ADGRE3: variants seen among roughly 807,000 people sequenced by gnomAD.
The protein encoded by ADGRE3 is EGF-like module receptor 3.
A neutral mutation model predicts 80.1 loss-of-function variants in ADGRE3; 88 were observed. That is an observed-to-expected ratio of 1.10 (90% CI 0.93 to 1.31). The LOEUF is 1.31. Among genes scored for constraint, ADGRE3 ranks in the 40% most tolerant of loss-of-function variants. The pLI, the probability that ADGRE3 is intolerant of heterozygous loss-of-function variation, is 0.00. For missense variants in ADGRE3, 715 were observed against 776.5 expected, an observed-to-expected ratio of 0.92 and a Z score of 0.94; for synonymous variants, 281 against 294.8, an observed-to-expected ratio of 0.95 and a Z score of 0.48.
chr19:14,601,917 CGA>C, the ADGRE3 span, among the ~76,000 whole-genome samples: 1 of 151,856 alleles, frequency 6.6e-6, no homozygotes, highest in South Asian at 2.1e-4. Context: ...TTCAGCCTCC[CGA>C]GTAGCTGGGA....
At chr19:14,617,092 A>G (rs11879888), downstream of ADGRE3, among the ~76,000 whole-genome samples, 57,656 of 151,312 alleles carry the variant, frequency 0.38, 11,118 homozygotes, top group Non-Finnish European at 0.4. Context: ...ACCACACCCC[A>G]CCTTTTTTTC....
At chr19:14,633,947 T>A (rs905847667) in intron 11 of ADGRE3, among the ~76,000 whole-genome samples, 39 of 151,720 alleles carry the variant, frequency 2.6e-4, no homozygotes, top group Non-Finnish European at 4.6e-4. Flanking sequence ...CGGCTAATTT[T>A]TGCATTTTTA....
chr19:14,673,551 G>C (rs1972312144), intron 1 of ADGRE3, among the ~76,000 whole-genome samples: 1 of 152,208 alleles, frequency 6.6e-6, no homozygotes. Flanking sequence ...TCTGGAGACA[G>C]ATGGTTTGGA....
chr19:14,620,553 T>TATA (rs1970560030), intron 15 of ADGRE3, among the ~76,000 whole-genome samples: 1 of 24,872 alleles, frequency 4.0e-5, no homozygotes, highest in Non-Finnish European at 7.1e-5. Context: ...ATATATTATA[T>TATA]ATATATATAT....
chr19:14,659,403 A>G (rs1052538153), intron 4 of ADGRE3, among the ~76,000 whole-genome samples: 1 of 152,166 alleles, frequency 6.6e-6, no homozygotes, highest in Non-Finnish European at 1.5e-5. Flanking sequence ...AGAAAACAGA[A>G]AATTAGAAGC....
chr19:14,628,319 G>T (rs556789950), intron 14 of ADGRE3, among the ~76,000 whole-genome samples: 1 of 151,370 alleles, frequency 6.6e-6, no homozygotes, highest in South Asian at 2.1e-4. Flanking sequence ...GCATGCGCCT[G>T]TAGTCCCAGG....
chr19:14,624,960 G>A (rs1450814297), intron 15 of ADGRE3, among the ~76,000 whole-genome samples: 1 of 151,640 alleles, frequency 6.6e-6, no homozygotes, highest in African/African-American at 2.4e-5. Flanking sequence ...GAAAAGAGCC[G>A]ATGTGTGCTG....
At chr19:14,608,628 ATTTTTTTT>A in the ADGRE3 span, among the ~76,000 whole-genome samples, 4 of 119,728 alleles carry the variant, frequency 3.3e-5, no homozygotes, top group South Asian at 2.7e-4. Context: ...ATGAGGAAGA[ATTTTTTTT>A]TTTTTTTTTT....
chr19:14,663,509 G>A lies in ADGRE3; in HGVS notation c.108C>T (p.Ser36=), dbSNP rs368054080. 2.0e-5 allele frequency: 33 copies of A among 1,613,294 alleles called. No individual in the cohort carries two copies. Among genetic ancestry groups the A allele is most frequent in the Non-Finnish European group, 2.5e-5 (29 of 1,179,528 alleles). The change falls in exon 3 of 16, where the codon TCC becomes TCT. Residue 36 remains serine (S), a synonymous_variant. Coordinates refer to ENST00000253673, the MANE Select transcript of ADGRE3 (RefSeq NM_032571.5). Reference sequence around the variant, plus strand: ...AGGTGCAGTGAGTGTTATTGACACAGGAAGCATTTGGGGGGCACTTAGCAC... The same window carrying A: ...AGGTGCAGTGAGTGTTATTGACACAAGAAGCATTTGGGGGGCACTTAGCAC... The part of the protein sequence containing the change: ...TSCAKCPPNA[S]CVNNTHCTCN...
At position 14,633,030 on chromosome 19, in the gene ADGRE3, A is replaced by G. The variant is rs776318881; in HGVS notation, c.1552-18T>C. ...AAATTCGCCTGCAGGACCAACACAAACAAGGCAGAGTGCAAGTTAAAGTAA... is the reference window on the plus strand; with the variant it reads ...AAATTCGCCTGCAGGACCAACACAAGCAAGGCAGAGTGCAAGTTAAAGTAA... On this transcript the variant is annotated intron_variant, in intron 12 of 15. Coordinates refer to ENST00000253673, the MANE Select transcript of ADGRE3 (RefSeq NM_032571.5). 1 of 1,588,660 alleles carries G rather than the reference A, an allele frequency of 6.3e-7. No homozygotes were observed. Among genetic ancestry groups the G allele is most frequent in the South Asian group, 1.1e-5 (1 of 90,470 alleles).
Position 14,663,514 on chromosome 19 carries a change from C to A in ADGRE3, c.103G>T (p.Ala35Ser). The A allele has an allele frequency of 1.9e-6, 3 of 1,613,198 alleles. No individual in the cohort carries two copies. Among genetic ancestry groups the A allele is most frequent in the Non-Finnish European group, 2.5e-6 (3 of 1,179,416 alleles). ...KTSCAKCPPN[A>S]SCVNNTHCTC... is the part of the protein sequence containing the mutation. ...CAGTGAGTGTTATTGACACAGGAAG[C>A]ATTTGGGGGGCACTTAGCACAGGAA... The change falls in exon 3 of 16, where the codon GCT (alanine) becomes TCT (serine). Residue 35 changes from alanine to serine, a missense_variant. Transcript: ENST00000253673.
At position 14,641,473 on chromosome 19, in the gene ADGRE3, G is replaced by A; in HGVS notation, c.1194C>T (p.Cys398=). Residue 398 remains cysteine, a synonymous_variant, in exon 10 of 16, where the codon TGC becomes TGT. Coordinates refer to ENST00000253673, the MANE Select transcript of ADGRE3 (RefSeq NM_032571.5). ...STSLHLQLSL[C]LFLAHLLFLV... ...GGAAGAGGAGGTGGGCCAGGAAGAGGCAGAGCGAGAGCTGCAGATGCAGTG... is the reference window on the plus strand; with the variant it reads ...GGAAGAGGAGGTGGGCCAGGAAGAGACAGAGCGAGAGCTGCAGATGCAGTG... The A allele has an allele frequency of 1.9e-6, 3 of 1,614,174 alleles. No homozygotes were observed. The highest frequency in any genetic ancestry group is 1.7e-6 in the Non-Finnish European group (2 of 1,180,026).
intron 11 of ADGRE3, among the ~76,000 whole-genome samples, 186 bp from the exon 12 acceptor site, chr19:14,633,488 C>A (rs191698885): frequency 2.0e-5 from 3 of 151,914 alleles, no homozygotes; most frequent in African/African-American, 7.3e-5. Context: ...GGGCGGCTCA[C>A]GAAGTCAGGA....
Position 14,674,813 on chromosome 19 carries a change from C to G in ADGRE3, c.-43G>C. The G allele has an allele frequency of 1.2e-6, 2 of 1,607,648 alleles. No homozygotes were observed. The highest frequency in any genetic ancestry group is 1.7e-4 in the Middle Eastern group (1 of 6,026). ...CCCACGCCAGCCAGCCCTGGAAGCT[C>G]TCTACTGTGCCGTAAGCCAACCACC... is the stretch of plus-strand genomic sequence containing the variant. On this transcript the variant is annotated 5_prime_UTR_variant, in exon 1 of 16. Coordinates refer to ENST00000253673, the MANE Select transcript of ADGRE3 (RefSeq NM_032571.5).
At chr19:14,658,296 G>A (rs1971832595) in intron 5 of ADGRE3, among the ~76,000 whole-genome samples, 1 of 150,058 alleles carries the variant, frequency 6.7e-6, no homozygotes, top group Non-Finnish European at 1.5e-5. Context: ...TATAATATAT[G>A]AATATGTACT....
At chr19:14,647,052 A>G in intron 8 of ADGRE3, 129 bp downstream of exon 8, 1 of 666,170 alleles carries the variant, frequency 1.5e-6, no homozygotes, top group Admixed American at 2.4e-5. Flanking sequence ...TCAAATGCTC[A>G]ATAGCGACAG....
At chr19:14,628,710 TG>T in intron 14 of ADGRE3, 1 of 386,930 alleles carries the variant, frequency 2.6e-6, no homozygotes. Flanking sequence ...AATAGCAGAC[TG>T]GGATGGATCT....
intron 2 of ADGRE3, among the ~76,000 whole-genome samples, chr19:14,664,834 T>C (rs1333568210): frequency 6.6e-6 from 1 of 152,042 alleles, no homozygotes; most frequent in Non-Finnish European, 1.5e-5. Flanking sequence ...ATTCACAGAA[T>C]TGAAAAAAAA....
At position 14,620,528 on chromosome 19, in the gene ADGRE3, ATATATATTT is replaced by A. The variant is rs1173853730; in HGVS notation, c.1921-1066_1921-1058del. 2.4e-3 allele frequency among the ~76,000 whole-genome samples: 25 copies of A among 10,336 alleles called. 1 individual carries two copies. The highest frequency in any genetic ancestry group is 3.7e-3 in the Admixed American group (3 of 802). 6.8% of individuals were successfully genotyped at this position (10,336 alleles called of 152,430 possible). ...GAATATATTATGACTATATATGAAT[ATATATATTT>A]TATATATATATTATATATATATATA... On this transcript the variant is annotated intron_variant, in intron 15 of 15. Coordinates refer to ENST00000253673, the MANE Select transcript of ADGRE3 (RefSeq NM_032571.5).
Sources: allele counts gnomAD v4.1 joint callset (sites outside exome capture counted in the v4.1 genomes callset), GRCh38; gene constraint gnomAD v4.1.1; transcripts MANE v1.5; gene names NCBI Gene and HGNC (gene_info 2026-07-23, HGNC 2026-07-21).